ERBB4: variants seen among roughly 807,000 people sequenced by gnomAD.
ERBB4 encodes erb-b2 receptor tyrosine kinase 4.
A neutral mutation model predicts 158.0 loss-of-function variants in ERBB4; 42 were observed. The ratio of observed to expected loss-of-function variants is 0.27; its 90% confidence interval spans 0.21 to 0.34. The LOEUF (loss-of-function observed/expected upper bound fraction) is 0.34, where lower values mean the gene tolerates loss of function less well. Among genes scored for constraint, ERBB4 ranks in the 10% least tolerant of loss-of-function variants. ERBB4 has a pLI of 1.00. For synonymous variants in ERBB4, 583 were observed against 558.7 expected (o/e 1.04, Z -0.61); for missense variants, 1,333 against 1,624.1 (o/e 0.82, Z 3.08).
chr2:212,377,969 T>C (rs1040133924), intron 1 of ERBB4, among the ~76,000 whole-genome samples: 1 of 151,890 alleles, frequency 6.6e-6, no homozygotes, highest in Non-Finnish European at 1.5e-5. Context: ...TCTTTTAATT[T>C]TTTTTTGTTA....
intron 2 of ERBB4, among the ~76,000 whole-genome samples, chr2:212,031,779 C>A (rs377193989): frequency 1.3e-5 from 2 of 152,038 alleles, no homozygotes; most frequent in Admixed American, 6.6e-5. Flanking sequence ...TGATGGCTGA[C>A]GATATGTATC....
chr2:211,773,631 T>TATATATATATATATATATAAA (rs2075786679), intron 4 of ERBB4, among the ~76,000 whole-genome samples: 4 of 91,264 alleles, frequency 4.4e-5, no homozygotes, highest in African/African-American at 2.8e-4. Flanking sequence ...TATATATATA[T>TATATATATATATATATATAAA]ATATATATAT....
At chr2:212,309,476 T>C (rs529728338) in intron 1 of ERBB4, among the ~76,000 whole-genome samples, 6 of 150,862 alleles carry the variant, frequency 4.0e-5, no homozygotes, top group Non-Finnish European at 8.9e-5. Flanking sequence ...GAGAATTACC[T>C]GGTGAGATTA....
chr2:212,146,501 T>C (rs1179692346), intron 1 of ERBB4, among the ~76,000 whole-genome samples: 1 of 152,176 alleles, frequency 6.6e-6, no homozygotes, highest in Non-Finnish European at 1.5e-5. Context: ...TTCTTCTCCT[T>C]CTACTTGAAA....
intron 5 of ERBB4, among the ~76,000 whole-genome samples, chr2:211,743,452 G>C (rs1377280602): frequency 6.6e-6 from 1 of 152,170 alleles, no homozygotes; most frequent in Non-Finnish European, 1.5e-5. Context: ...GAGCTGGCCT[G>C]ATATTGTGCT....
chr2:212,010,351 CA>C (rs1163025198), intron 2 of ERBB4, among the ~76,000 whole-genome samples: 1 of 152,060 alleles, frequency 6.6e-6, no homozygotes, highest in Non-Finnish European at 1.5e-5. Context: ...TGCAGGAAAA[CA>C]AGAGTATTGT....
At chr2:212,508,571 TATATA>T (rs1204440569) in intron 1 of ERBB4, among the ~76,000 whole-genome samples, 1 of 151,654 alleles carries the variant, frequency 6.6e-6, no homozygotes, top group Non-Finnish European at 1.5e-5. Context: ...ATGAAAAACT[TATATA>T]AGAATCAACA....
intron 3 of ERBB4, among the ~76,000 whole-genome samples, chr2:211,863,994 TGA>T (rs1019451659): frequency 6.6e-6 from 1 of 152,078 alleles, no homozygotes; most frequent in African/African-American, 2.4e-5. Flanking sequence ...TTAGAAGCAT[TGA>T]GAGAGAAGCC....
chr2:212,018,167 AAAGTAT>A (rs2076569403), intron 2 of ERBB4, among the ~76,000 whole-genome samples: 1 of 152,170 alleles, frequency 6.6e-6, no homozygotes, highest in South Asian at 2.1e-4. Context: ...TGTTTCATTA[AAAGTAT>A]AAGTATATTG....
chr2:211,826,994 G>A (rs1022774502), intron 3 of ERBB4, among the ~76,000 whole-genome samples: 1 of 151,912 alleles, frequency 6.6e-6, no homozygotes, highest in Non-Finnish European at 1.5e-5. Context: ...TTTCAGTTAA[G>A]TTTGTGTTGG....
At chr2:211,843,814 T>A (rs1452753974) in intron 3 of ERBB4, among the ~76,000 whole-genome samples, 1 of 152,082 alleles carries the variant, frequency 6.6e-6, no homozygotes, top group Non-Finnish European at 1.5e-5. Context: ...ATATCACTAG[T>A]ACTTGATAAA....
At chr2:211,412,950 C>CAA (rs113603752) in intron 25 of ERBB4, among the ~76,000 whole-genome samples, 8,726 of 120,896 alleles carry the variant, frequency 0.072, 314 homozygotes, top group Middle Eastern at 0.1. Context: ...GGGACTGTCT[C>CAA]AAAAAAAAAA....
chr2:211,899,326 G>A (rs888428000), intron 3 of ERBB4, among the ~76,000 whole-genome samples: 1 of 151,646 alleles, frequency 6.6e-6, no homozygotes, highest in Non-Finnish European at 1.5e-5. Context: ...TTTTCTCTAC[G>A]GCATTAGTAA....
chr2:212,021,833 GA>G (rs144657187), intron 2 of ERBB4, among the ~76,000 whole-genome samples: 14 of 149,838 alleles, frequency 9.3e-5, no homozygotes, highest in Admixed American at 3.3e-4. Flanking sequence ...AAATTTACAA[GA>G]AAAAAAAACA....
intron 1 of ERBB4, among the ~76,000 whole-genome samples, chr2:212,283,321 G>T (rs1299932402): frequency 6.6e-6 from 1 of 151,926 alleles, no homozygotes; most frequent in Non-Finnish European, 1.5e-5. Flanking sequence ...AAAGATTCCG[G>T]TATCATATGG....
chr2:211,894,757 G>GTAAT (rs2079057568), intron 3 of ERBB4, among the ~76,000 whole-genome samples: 1 of 152,236 alleles, frequency 6.6e-6, no homozygotes, highest in African/African-American at 2.4e-5. Flanking sequence ...AGTAGTCTAT[G>GTAAT]TAATATTAAG....
chr2:211,717,475 T>C (rs1034140192), intron 7 of ERBB4, among the ~76,000 whole-genome samples: 3 of 152,220 alleles, frequency 2.0e-5, no homozygotes, highest in Non-Finnish European at 4.4e-5. Flanking sequence ...TTTACTTTAA[T>C]GGATATGAAC....
rs1053317738 is a variant in ERBB4, at chr2:211,916,232, T to C, written c.421+31198A>G. On this transcript the variant is annotated intron_variant, in intron 3 of 27. Transcript: ENST00000342788. ...TCTCGCTCTGTCACCCAGGCTGGAG[T>C]GTGGTGGTGCGGTATCAGCTCACTG... Among the ~76,000 whole-genome samples the C allele has an allele frequency of 2.0e-5, 3 of 152,096 alleles. No homozygotes were observed. The South Asian group carries it at 6.2e-4, about 32-fold the overall frequency.
At chr2:211,386,001 A>T (rs981865978) in intron 27 of ERBB4, among the ~76,000 whole-genome samples, 4 of 152,186 alleles carry the variant, frequency 2.6e-5, no homozygotes, top group African/African-American at 9.6e-5. Flanking sequence ...ACAATTAGAG[A>T]TCTCTAAATT....
Sources: allele counts gnomAD v4.1 joint callset (sites outside exome capture counted in the v4.1 genomes callset), GRCh38; gene constraint gnomAD v4.1.1; transcripts MANE v1.5; gene names NCBI Gene and HGNC (gene_info 2026-07-23, HGNC 2026-07-21).